Variants in EPHB1 observed in about 807,000 individuals in gnomAD.
EPHB1 encodes the protein ephrin type-B receptor 1.
A neutral mutation model predicts 94.4 loss-of-function variants in EPHB1; 30 were observed. The ratio of observed to expected loss-of-function variants is 0.32; its 90% confidence interval spans 0.24 to 0.43. The LOEUF is 0.43. EPHB1 is among the 20% of genes least tolerant of loss of function. The probability of loss-of-function intolerance (pLI) is 1.00; values close to 1 mark genes in which losing one functional copy is unlikely to be tolerated. For missense variants in EPHB1, 1,055 were observed against 1,308.3 expected (o/e 0.81, Z 2.99); for synonymous variants, 522 against 489.1 (o/e 1.07, Z -0.89).
intron 12 of EPHB1, among the ~76,000 whole-genome samples, chr3:135,212,667 T>C (rs1031610917): frequency 6.6e-6 from 1 of 152,252 alleles, no homozygotes; most frequent in African/African-American, 2.4e-5. Context: ...CTAATTGTGC[T>C]GAATTCGTTC....
At chr3:134,848,075 C>G (rs1578134077) in intron 1 of EPHB1, among the ~76,000 whole-genome samples, 1 of 152,322 alleles carries the variant, frequency 6.6e-6, no homozygotes, top group South Asian at 2.1e-4. Flanking sequence ...CATCTCCACC[C>G]TAGCCCACAT....
At chr3:135,030,477 C>T (rs1206207914) in intron 3 of EPHB1, among the ~76,000 whole-genome samples, 2 of 152,114 alleles carry the variant, frequency 1.3e-5, no homozygotes, top group African/African-American at 4.8e-5. Context: ...GTTGGAATAC[C>T]CTGCAGTGTG....
chr3:135,248,552 A>G (rs1943983410), intron 14 of EPHB1, 43 bp downstream of exon 14: 2 of 1,515,734 alleles, frequency 1.3e-6, no homozygotes, highest in Non-Finnish European at 1.8e-6. Flanking sequence ...GGCTGGTTTC[A>G]TGGTCAGGGG....
chr3:135,172,282 G>A (rs1463036291), intron 9 of EPHB1, among the ~76,000 whole-genome samples: 1 of 152,236 alleles, frequency 6.6e-6, no homozygotes, highest in Non-Finnish European at 1.5e-5. Flanking sequence ...GAAAGATGTT[G>A]TTGGCTTCAT....
At chr3:134,971,086 G>A (rs1231266201) in intron 3 of EPHB1, among the ~76,000 whole-genome samples, 1 of 152,196 alleles carries the variant, frequency 6.6e-6, no homozygotes, top group East Asian at 1.9e-4. Context: ...GGGGAAAGCT[G>A]TTTAGGAGGC....
At chr3:135,079,452 G>T (rs1292491650) in intron 3 of EPHB1, among the ~76,000 whole-genome samples, 1 of 152,142 alleles carries the variant, frequency 6.6e-6, no homozygotes, top group Non-Finnish European at 1.5e-5. Context: ...CATCCAACTG[G>T]TTCTTGTAGA....
intron 1 of EPHB1, among the ~76,000 whole-genome samples, chr3:134,843,710 A>C (rs1479593667): frequency 4.0e-5 from 6 of 151,882 alleles, no homozygotes; most frequent in Non-Finnish European, 8.8e-5. Flanking sequence ...TGTTCTTTTC[A>C]ACTCCATAAT....
At chr3:135,244,364 G>A (rs139387894) in intron 13 of EPHB1, among the ~76,000 whole-genome samples, 1 of 152,248 alleles carries the variant, frequency 6.6e-6, no homozygotes, top group East Asian at 1.9e-4. Flanking sequence ...TGGTCTCCTT[G>A]CCCCCAGAGC....
At chr3:134,911,420 C>T (rs542391630) in intron 1 of EPHB1, among the ~76,000 whole-genome samples, 2 of 152,024 alleles carry the variant, frequency 1.3e-5, no homozygotes, top group East Asian at 1.9e-4. Context: ...CCAGAGGGGC[C>T]GAGAGGGATG....
At chr3:135,017,676 T>C (rs1029768657) in intron 3 of EPHB1, among the ~76,000 whole-genome samples, 1 of 152,156 alleles carries the variant, frequency 6.6e-6, no homozygotes, top group African/African-American at 2.4e-5. Flanking sequence ...CCCCTCCCTG[T>C]GGGACTGGCC....
chr3:134,917,832 T>C (rs1025952177), intron 1 of EPHB1, among the ~76,000 whole-genome samples: 5 of 152,246 alleles, frequency 3.3e-5, no homozygotes, highest in Non-Finnish European at 5.9e-5. Flanking sequence ...CCTAGCATTT[T>C]ATACTGGCAA....
intron 1 of EPHB1, among the ~76,000 whole-genome samples, chr3:134,839,792 C>A (rs1235288809): frequency 2.6e-5 from 4 of 152,158 alleles, no homozygotes; most frequent in Admixed American, 2.0e-4. Flanking sequence ...ATGATGGTAC[C>A]TTTTTGGGTG....
At chr3:135,111,958 G>A (rs577547326) in intron 4 of EPHB1, among the ~76,000 whole-genome samples, 97 of 152,334 alleles carry the variant, frequency 6.4e-4, no homozygotes, top group Non-Finnish European at 1.0e-3. Context: ...GATTATAGGC[G>A]TGAGCCACCG....
At chr3:134,923,406 C>A (rs1208301432) in intron 1 of EPHB1, among the ~76,000 whole-genome samples, 4 of 152,164 alleles carry the variant, frequency 2.6e-5, no homozygotes. Flanking sequence ...TACCCTGTAC[C>A]CCACCTGAAC....
intron 3 of EPHB1, among the ~76,000 whole-genome samples, chr3:135,050,604 C>T (rs986417932): frequency 2.6e-5 from 4 of 152,276 alleles, no homozygotes; most frequent in East Asian, 1.9e-4. Context: ...TGAAATGTGA[C>T]TTCCAATGTT....
chr3:135,154,189 C>T lies in EPHB1; in HGVS notation c.1335C>T (p.Ala445=). 6.2e-7 allele frequency: 1 copy of T among 1,613,988 alleles called. No homozygotes were observed. Among genetic ancestry groups the T allele is most frequent in the Non-Finnish European group, 8.5e-7 (1 of 1,179,880 alleles). Residue 445 remains alanine (A), a synonymous_variant, in exon 6 of 16, where the codon GCC becomes GCT. Coordinates refer to ENST00000398015, the MANE Select transcript of EPHB1 (RefSeq NM_004441.5). ...STVPIMHQVS[A]TMRSITLSWP... is the part of the protein sequence containing the mutation. ...TTCCCATCATGCACCAAGTCAGTGC[C>T]ACTATGAGGAGCATCACCTTGTCAT...
Position 134,867,256 on chromosome 3 carries a change from A to G in EPHB1, c.59-58560A>G, listed in dbSNP as rs370887113. On this transcript the variant is annotated intron_variant, in intron 1 of 15. Transcript: ENST00000398015. ...TCTTTAGTTTCCCTTCAAAAACACT[A>G]TGTGTGGATGTCTAAGTTATTCATT... Among the ~76,000 whole-genome samples the G allele has an allele frequency of 4.0e-3, 605 of 152,286 alleles. 5 individuals are homozygous for G. The highest frequency in any genetic ancestry group is 0.017 in the Middle Eastern group (5 of 294).
At chr3:134,807,245 C>T (rs1006860149) in intron 1 of EPHB1, among the ~76,000 whole-genome samples, 2 of 152,172 alleles carry the variant, frequency 1.3e-5, no homozygotes, top group African/African-American at 4.8e-5. Flanking sequence ...ACACAGAACA[C>T]ATTTATTGAG....
intron 1 of EPHB1, among the ~76,000 whole-genome samples, chr3:134,842,770 A>G (rs1050909578): frequency 1.3e-5 from 2 of 152,056 alleles, no homozygotes; most frequent in Non-Finnish European, 2.9e-5. Flanking sequence ...CCATCTTTTA[A>G]TATCCCACAC....
Sources: allele counts gnomAD v4.1 joint callset (sites outside exome capture counted in the v4.1 genomes callset), GRCh38; gene constraint gnomAD v4.1.1; transcripts MANE v1.5; gene names NCBI Gene and HGNC (gene_info 2026-07-23, HGNC 2026-07-21).